Variants in ZNF148 observed in about 807,000 individuals in gnomAD.
ZNF148 encodes the protein Beta-Enolase Repressor Factor-1.
In ZNF148, 7 loss-of-function variants were observed where a neutral mutation model predicts 67.7. That is an observed-to-expected ratio of 0.10 (90% CI 0.06 to 0.19). The LOEUF (loss-of-function observed/expected upper bound fraction) is 0.19. Ranked by LOEUF, ZNF148 falls within the 10% of genes least tolerant of loss-of-function variation. The pLI is 1.00. For missense variants in ZNF148, 583 were observed against 947.1 expected, an observed-to-expected ratio of 0.62 and a Z score of 5.05; for synonymous variants, 333 against 330.7, an observed-to-expected ratio of 1.01 and a Z score of -0.08.
At chr3:125,317,503 T>A (rs537549915) in intron 3 of ZNF148, among the ~76,000 whole-genome samples, 6 of 151,866 alleles carry the variant, frequency 4.0e-5, no homozygotes, top group Non-Finnish European at 8.8e-5. Flanking sequence ...GACAGGTGAC[T>A]TGTTAAATTA....
At chr3:125,341,406 C>T (rs758612781) in intron 1 of ZNF148, among the ~76,000 whole-genome samples, 3 of 151,366 alleles carry the variant, frequency 2.0e-5, no homozygotes, top group Non-Finnish European at 4.4e-5. Flanking sequence ...ATCACTTCTG[C>T]TCAGGAGGGT....
chr3:125,309,726 C>T (rs187361227), intron 4 of ZNF148, among the ~76,000 whole-genome samples: 32 of 152,300 alleles, frequency 2.1e-4, no homozygotes, highest in Admixed American at 1.6e-3. Context: ...GTATACATCT[C>T]GTTTGGAAAG....
In ZNF148 at chr3:125,231,089, G is replaced by T. The variant is rs1161237237; in HGVS notation, c.*1252C>A. 1 of 152,452 alleles carries T rather than the reference G, an allele frequency of 6.6e-6. No individual in the cohort carries two copies. The highest frequency in any genetic ancestry group is 1.5e-5 in the Non-Finnish European group (1 of 67,916). The allele number at this position is 152,452 out of a possible 1,614,324, so 9.4% of individuals were successfully genotyped here. Reference sequence around the variant, plus strand: ...TCCGATCACTCATCTAGCTGAAAAAGAAATGGTAGTTACTGGAATTAGTAA... The same window carrying T: ...TCCGATCACTCATCTAGCTGAAAAATAAATGGTAGTTACTGGAATTAGTAA... On this transcript the variant is annotated 3_prime_UTR_variant, in exon 9 of 9. Coordinates refer to ENST00000360647, the MANE Select transcript of ZNF148 (RefSeq NM_021964.3).
intron 7 of ZNF148, among the ~76,000 whole-genome samples, chr3:125,265,374 C>A (rs1937512082): frequency 6.6e-6 from 1 of 152,236 alleles, no homozygotes; most frequent in South Asian, 2.1e-4. Context: ...AAAAGTTTCC[C>A]AGCCAGTCTC....
chr3:125,344,318 A>C lies in ZNF148; in HGVS notation c.-233-13080T>G, dbSNP rs550750998. On this transcript the variant is annotated intron_variant, in intron 1 of 8. Transcript: ENST00000360647. ...CCCCCATGACCTAGTGACCTGAATG[A>C]AACAAATCTTGTATCAAAAGAAGAA... 113 of 520,566 alleles carry C rather than the reference A, an allele frequency of 2.2e-4. No individual in the cohort carries two copies. The South Asian group carries it at 2.2e-3, about 10-fold the overall frequency. The allele number at this position is 520,566 out of a possible 1,614,324, so 32.2% of individuals were successfully genotyped here.
intron 4 of ZNF148, among the ~76,000 whole-genome samples, chr3:125,305,381 AG>A (rs1414997954): frequency 6.6e-6 from 1 of 152,248 alleles, no homozygotes; most frequent in African/African-American, 2.4e-5. Flanking sequence ...CAAAAACTGA[AG>A]AACATGACAA....
intron 7 of ZNF148, among the ~76,000 whole-genome samples, chr3:125,236,195 G>A (rs1936083086): frequency 6.6e-6 from 1 of 151,572 alleles, no homozygotes; most frequent in South Asian, 2.1e-4. Flanking sequence ...AAATTATACT[G>A]ATGTAGTTCA....
chr3:125,369,855 A>G (rs1318595837), intron 1 of ZNF148, among the ~76,000 whole-genome samples: 2 of 152,058 alleles, frequency 1.3e-5, no homozygotes, highest in Non-Finnish European at 2.9e-5. Flanking sequence ...ACGCTCCTGT[A>G]ATCCCAGCTA....
At chr3:125,264,234 C>T (rs1937472505) in intron 7 of ZNF148, among the ~76,000 whole-genome samples, 1 of 152,224 alleles carries the variant, frequency 6.6e-6, no homozygotes, top group Non-Finnish European at 1.5e-5. Flanking sequence ...CTCCCTCCCC[C>T]CATGATTTAT....
At position 125,227,171 on chromosome 3, in the gene ZNF148, A is replaced by G. The variant is rs1935676743; in HGVS notation, c.*5170T>C. On this transcript the variant is annotated 3_prime_UTR_variant, in exon 9 of 9. Coordinates refer to ENST00000360647, the MANE Select transcript of ZNF148 (RefSeq NM_021964.3). ...ATATTTCCATTTCACTACCCACTCA[A>G]GCATAGCAACCCAATTCATTTAGTT... The G allele has an allele frequency of 6.6e-6, 1 of 152,436 alleles. No individual in the cohort carries two copies. The highest frequency in any genetic ancestry group is 2.4e-5 in the African/African-American group (1 of 41,440). 9.4% of individuals were successfully genotyped at this position (152,436 alleles called of 1,614,324 possible).
chr3:125,298,790 A>C (rs1939427407), intron 4 of ZNF148, among the ~76,000 whole-genome samples: 1 of 151,540 alleles, frequency 6.6e-6, no homozygotes, highest in African/African-American at 2.4e-5. Context: ...ATGCCCAGCT[A>C]ATTTTTTTTT....
intron 1 of ZNF148, among the ~76,000 whole-genome samples, chr3:125,371,432 C>T (rs1288707683): frequency 6.8e-6 from 1 of 147,150 alleles, no homozygotes; most frequent in South Asian, 2.1e-4. Flanking sequence ...TTTGGGAAGC[C>T]GAAGCGGACA....
At chr3:125,281,380 T>C (rs948007384) in intron 5 of ZNF148, among the ~76,000 whole-genome samples, 1 of 152,188 alleles carries the variant, frequency 6.6e-6, no homozygotes, top group Admixed American at 6.5e-5. Flanking sequence ...TCAAAATATT[T>C]TATACATAAA....
rs979634445 is a variant in ZNF148 at position 125,226,493 on chromosome 3, C to T, written c.*5848G>A. 6.6e-6 allele frequency: 1 copy of T among 152,508 alleles called. No homozygotes were observed. The highest frequency in any genetic ancestry group is 1.5e-5 in the Non-Finnish European group (1 of 68,012). The allele number at this position is 152,508 out of a possible 1,614,324, so 9.4% of individuals were successfully genotyped here. A position where few individuals can be genotyped will look rare whatever the true frequency, so the allele number is the denominator to read the frequency against. On this transcript the variant is annotated 3_prime_UTR_variant, in exon 9 of 9. Coordinates refer to ENST00000360647, the MANE Select transcript of ZNF148 (RefSeq NM_021964.3). ...AACAACTTCCTTTAGTATCACAATA[C>T]ATAAAATGGTTTTATAAACTCCAAA...
intron 7 of ZNF148, among the ~76,000 whole-genome samples, chr3:125,263,943 G>A (rs944351754): frequency 3.3e-5 from 5 of 152,196 alleles, no homozygotes; most frequent in African/African-American, 1.2e-4. Context: ...GCTAGAAACT[G>A]AGTTAATAAT....
At chr3:125,284,399 C>T (rs1437901350) in intron 5 of ZNF148, among the ~76,000 whole-genome samples, 2 of 151,992 alleles carry the variant, frequency 1.3e-5, no homozygotes, top group Non-Finnish European at 2.9e-5. Context: ...TGTTAAGTGG[C>T]CACCCAGATA....
intron 4 of ZNF148, among the ~76,000 whole-genome samples, chr3:125,309,995 A>G (rs1940111389): frequency 6.6e-6 from 1 of 152,222 alleles, no homozygotes; most frequent in South Asian, 2.1e-4. Flanking sequence ...TACAACTAAT[A>G]ACAGAATGGT....
intron 7 of ZNF148, among the ~76,000 whole-genome samples, chr3:125,247,743 G>A (rs1433736934): frequency 1.3e-5 from 2 of 152,120 alleles, no homozygotes; most frequent in Non-Finnish European, 2.9e-5. Flanking sequence ...CTGGCTGAGG[G>A]AAACTGTTTC....
intron 5 of ZNF148, 111 bp downstream of exon 5, chr3:125,287,992 C>G (rs1938792939): frequency 6.7e-7 from 1 of 1,502,416 alleles, no homozygotes; most frequent in African/African-American, 1.4e-5. Flanking sequence ...TCCTACTAAA[C>G]CACACAAGAC....
Sources: gnomAD v4.1 joint callset for allele counts (sites outside exome capture counted in the v4.1 genomes callset) on GRCh38, gnomAD v4.1.1 for gene constraint, MANE v1.5 for transcripts, NCBI Gene and HGNC (gene_info 2026-07-23, HGNC 2026-07-21) for gene names.